Variants in PRTFDC1 observed in about 807,000 individuals in gnomAD.
PRTFDC1 encodes phosphoribosyl transferase domain containing 1, also known as phosphoribosyltransferase domain-containing protein 1.
Under a neutral mutation model 34.6 loss-of-function variants are expected in PRTFDC1, and 38 were observed. The ratio of observed to expected loss-of-function variants is 1.10; its 90% CI spans 0.85 to 1.44. The LOEUF is 1.44. PRTFDC1 is among the 40% of genes most tolerant of loss of function. The pLI is 0.00. For synonymous variants in PRTFDC1, 93 were observed against 98.1 expected, an observed-to-expected ratio of 0.95 and a Z score of 0.31; for missense variants, 270 against 283.0, an observed-to-expected ratio of 0.95 and a Z score of 0.33.
chr10:24,869,355 AAAAACCCT>A (rs1455457302), intron 4 of PRTFDC1, among the ~76,000 whole-genome samples: 1 of 152,176 alleles, frequency 6.6e-6, no homozygotes, highest in African/African-American at 2.4e-5. Flanking sequence ...CCATAAGACC[AAAAACCCT>A]TCCCCAGGGC....
intron 5 of PRTFDC1, among the ~76,000 whole-genome samples, 200 bp from the exon 6 acceptor site, chr10:24,857,195 T>G (rs1847594603): frequency 6.6e-6 from 1 of 152,168 alleles, no homozygotes; most frequent in Admixed American, 6.5e-5. Context: ...GGGAATCTAC[T>G]GGAGACTCTT....
intron 3 of PRTFDC1, among the ~76,000 whole-genome samples, chr10:24,926,753 G>C (rs1167201687): frequency 6.6e-6 from 1 of 152,164 alleles, no homozygotes; most frequent in Non-Finnish European, 1.5e-5. Flanking sequence ...CCAGGGCCGG[G>C]TCCTGTTCCT....
chr10:24,908,468 C>T (rs772490828), intron 3 of PRTFDC1: 1 of 1,603,110 alleles, frequency 6.2e-7, no homozygotes, highest in Non-Finnish European at 8.5e-7. Flanking sequence ...CTAGAATGGT[C>T]CAGGTGCTAC....
intron 5 of PRTFDC1, among the ~76,000 whole-genome samples, chr10:24,857,567 G>A (rs1847602209): frequency 6.6e-6 from 1 of 152,212 alleles, no homozygotes; most frequent in Admixed American, 6.5e-5. Context: ...AGAATGGGCA[G>A]CGGCGATTTA....
chr10:24,900,315 C>T (rs1024722658), intron 3 of PRTFDC1, among the ~76,000 whole-genome samples: 1 of 152,200 alleles, frequency 6.6e-6, no homozygotes, highest in Non-Finnish European at 1.5e-5. Context: ...AGTGTCTTAG[C>T]TCTGGGTGTG....
chr10:24,868,955 T>C (rs1017826469), intron 4 of PRTFDC1, among the ~76,000 whole-genome samples: 1 of 152,256 alleles, frequency 6.6e-6, no homozygotes, highest in Non-Finnish European at 1.5e-5. Flanking sequence ...TGAGTGTTTG[T>C]TACATGCATG....
At chr10:24,909,967 G>A (rs932888734) in intron 3 of PRTFDC1, among the ~76,000 whole-genome samples, 8 of 149,298 alleles carry the variant, frequency 5.4e-5, no homozygotes, top group African/African-American at 1.7e-4. Context: ...CCTGGCCAAC[G>A]TGAGGAAACC....
intron 3 of PRTFDC1, among the ~76,000 whole-genome samples, chr10:24,904,122 CTG>C (rs1848494645): frequency 6.6e-6 from 1 of 152,102 alleles, no homozygotes; most frequent in South Asian, 2.1e-4. Context: ...GCTAACTAAA[CTG>C]TAAAGCACTA....
At chr10:24,894,164 T>A (rs554544056) in intron 3 of PRTFDC1, among the ~76,000 whole-genome samples, 4 of 152,084 alleles carry the variant, frequency 2.6e-5, no homozygotes, top group African/African-American at 9.6e-5. Context: ...ACCCTGTCTC[T>A]ACTAAAAAAT....
At chr10:24,872,637 A>G (rs1390474379) in intron 3 of PRTFDC1, among the ~76,000 whole-genome samples, 1 of 151,542 alleles carries the variant, frequency 6.6e-6, no homozygotes, top group Admixed American at 6.6e-5. Flanking sequence ...GGTCTCAGCC[A>G]ATTTCTGCAG....
At chr10:24,857,927 G>T (rs1455211890) in intron 5 of PRTFDC1, among the ~76,000 whole-genome samples, 1 of 151,968 alleles carries the variant, frequency 6.6e-6, no homozygotes, top group Non-Finnish European at 1.5e-5. Flanking sequence ...AAAAAACATA[G>T]CTTTCCCCAT....
chr10:24,912,966 A>C (rs1224489195), intron 3 of PRTFDC1, among the ~76,000 whole-genome samples: 1 of 152,214 alleles, frequency 6.6e-6, no homozygotes, highest in Non-Finnish European at 1.5e-5. Flanking sequence ...CCCTTTACTA[A>C]GTCAAAAACT....
intron 3 of PRTFDC1, among the ~76,000 whole-genome samples, chr10:24,905,824 A>C (rs1336924802): frequency 6.6e-6 from 1 of 152,084 alleles, no homozygotes; most frequent in African/African-American, 2.4e-5. Flanking sequence ...TACTTATTTA[A>C]TAATATTTTG....
At chr10:24,895,270 T>TTTTTTTG (rs1848333789) in intron 3 of PRTFDC1, among the ~76,000 whole-genome samples, 1 of 147,836 alleles carries the variant, frequency 6.8e-6, no homozygotes. Flanking sequence ...TTTTTTTTTT[T>TTTTTTTG]GAGATGGAGT....
intron 2 of PRTFDC1, 143 bp from the exon 3 acceptor site, chr10:24,937,510 G>C (rs1338530603): frequency 1.8e-6 from 1 of 571,040 alleles, no homozygotes; most frequent in Non-Finnish European, 2.8e-6. Flanking sequence ...CCCACCGATA[G>C]AAAAGCTTTG....
intron 3 of PRTFDC1, among the ~76,000 whole-genome samples, chr10:24,904,675 T>C (rs1309847818): frequency 6.6e-6 from 1 of 152,126 alleles, no homozygotes; most frequent in African/African-American, 2.4e-5. Flanking sequence ...CTTCTAGGGA[T>C]CTCTAAGAAT....
chr10:24,897,056 A>G (rs1346291975), intron 3 of PRTFDC1, among the ~76,000 whole-genome samples: 1 of 152,162 alleles, frequency 6.6e-6, no homozygotes, highest in Non-Finnish European at 1.5e-5. Flanking sequence ...CAAAAAATAC[A>G]AAAATTTGCT....
At chr10:24,930,716 T>C (rs1012318709) in intron 3 of PRTFDC1, among the ~76,000 whole-genome samples, 1 of 152,116 alleles carries the variant, frequency 6.6e-6, no homozygotes, top group Non-Finnish European at 1.5e-5. Flanking sequence ...ACTGAACATC[T>C]CAGGTGTCTG....
chr10:24,901,132 A>G (rs1588602866), intron 3 of PRTFDC1, among the ~76,000 whole-genome samples: 3 of 152,224 alleles, frequency 2.0e-5, no homozygotes, highest in Non-Finnish European at 4.4e-5. Flanking sequence ...CTTGGTTCCT[A>G]TATGTATGTG....
Sources: allele counts gnomAD v4.1 joint callset (sites outside exome capture counted in the v4.1 genomes callset), GRCh38; gene constraint gnomAD v4.1.1; transcripts MANE v1.5; gene names NCBI Gene and HGNC (gene_info 2026-07-23, HGNC 2026-07-21).